Variants in ZNF385D observed in about 807,000 individuals in gnomAD.
ZNF385D encodes the protein zinc finger protein 385D, also known as zinc finger protein 659.
A neutral mutation model predicts 35.8 loss-of-function variants in ZNF385D; 15 were observed. The ratio of observed to expected loss-of-function variants is 0.42; its 90% CI spans 0.28 to 0.64. The LOEUF (loss-of-function observed/expected upper bound fraction) is 0.64. Ranked by LOEUF, ZNF385D falls within the 30% of genes least tolerant of loss-of-function variation. The pLI, the probability that ZNF385D is intolerant of heterozygous loss-of-function variation, is 0.23. For missense variants in ZNF385D, 474 were observed against 494.6 expected (o/e 0.96, Z 0.39); for synonymous variants, 212 against 186.8 (o/e 1.13, Z -1.10).
In ZNF385D at chr3:21,421,366, C is replaced by T. The variant is rs775396986; in HGVS notation, c.1036G>A (p.Ala346Thr). The T allele has an allele frequency of 1.6e-5, 25 of 1,612,808 alleles. No homozygotes were observed. Among genetic ancestry groups the T allele is most frequent in the Non-Finnish European group, 1.8e-5 (21 of 1,179,480 alleles). The part of the protein sequence containing the change: ...LPNPLAAAAA[A>T]AAVAVSSPFS... ...GGGGAACTCACTGCCACTGCTGCTGCGGCTGCTGCAGCTGCTAGAGGATTT... is the reference window on the plus strand; with the variant it reads ...GGGGAACTCACTGCCACTGCTGCTGTGGCTGCTGCAGCTGCTAGAGGATTT... Residue 346 changes from alanine to threonine, a missense_variant, in exon 8 of 8, where the codon GCA becomes ACA. Physicochemically the swap from Ala to Thr is moderately conservative, Grantham distance 58. Transcript: ENST00000281523.
chr3:21,637,035 C>A (rs1227881395), intron 2 of ZNF385D, among the ~76,000 whole-genome samples: 1 of 152,110 alleles, frequency 6.6e-6, no homozygotes, highest in East Asian at 1.9e-4. Flanking sequence ...AAGATTTTCT[C>A]CTACTCTGTG....
At chr3:22,157,851 G>A (rs1228434771) in intron 3 of ZNF385D, among the ~76,000 whole-genome samples, 2 of 152,126 alleles carry the variant, frequency 1.3e-5, no homozygotes, top group African/African-American at 4.8e-5. Context: ...ACAAGTAGTT[G>A]TAAACAGATA....
chr3:21,511,828 T>G (rs1167422741), intron 3 of ZNF385D: 2 of 455,334 alleles, frequency 4.4e-6, no homozygotes, highest in African/African-American at 2.0e-5. Flanking sequence ...AGAGCATTTT[T>G]TTTTTTTGTG....
chr3:21,757,988 TAA>T (rs2070424168), intron 3 of ZNF385D, among the ~76,000 whole-genome samples: 1 of 152,220 alleles, frequency 6.6e-6, no homozygotes, highest in African/African-American at 2.4e-5. Flanking sequence ...ACTGAGAATA[TAA>T]AGTTATATTC....
intron 2 of ZNF385D, among the ~76,000 whole-genome samples, chr3:22,327,362 A>G (rs1277990948): frequency 6.6e-6 from 1 of 152,178 alleles, no homozygotes; most frequent in Non-Finnish European, 1.5e-5. Flanking sequence ...GTAGAAAAAA[A>G]TCACCATGTG....
chr3:22,228,089 CAG>C (rs1416549566), intron 2 of ZNF385D, among the ~76,000 whole-genome samples: 1 of 152,086 alleles, frequency 6.6e-6, no homozygotes, highest in Non-Finnish European at 1.5e-5. Context: ...TGGTGATTGA[CAG>C]AGAGGCAAGA....
At chr3:22,202,781 G>C (rs1054807408) in intron 2 of ZNF385D, among the ~76,000 whole-genome samples, 7 of 152,076 alleles carry the variant, frequency 4.6e-5, no homozygotes, top group Non-Finnish European at 8.8e-5. Flanking sequence ...GACTTTGCAT[G>C]GGCAGGCTGT....
chr3:21,460,631 G>A (rs1703108596), intron 4 of ZNF385D, among the ~76,000 whole-genome samples: 1 of 152,064 alleles, frequency 6.6e-6, no homozygotes, highest in Admixed American at 6.6e-5. Context: ...TTTGTGTATG[G>A]TCTTTTTGTT....
rs552848441 is a variant in ZNF385D, at chr3:21,817,775, T to A, written c.326-152747A>T. 4.6e-5 allele frequency among the ~76,000 whole-genome samples: 7 copies of A among 152,276 alleles called. No homozygotes were observed. The South Asian group carries it at 8.3e-4, about 18-fold the overall frequency. ...GTGGAAGGCAGTGTGGTGATTCCTC[T>A]GGGATCTAGAACTAGAAATACCATT... On this transcript the variant is annotated intron_variant, in intron 3 of 5. Transcript: ENST00000494108.
chr3:21,890,632 AAAGAG>A (rs373885817), intron 3 of ZNF385D, among the ~76,000 whole-genome samples: 277 of 152,142 alleles, frequency 1.8e-3, no homozygotes, highest in African/African-American at 6.1e-3. Flanking sequence ...AAAGAAAATA[AAAGAG>A]AAGAGAAGAG....
intron 3 of ZNF385D, among the ~76,000 whole-genome samples, chr3:22,096,918 T>C (rs1576313492): frequency 6.6e-6 from 1 of 152,084 alleles, no homozygotes; most frequent in African/African-American, 2.4e-5. Flanking sequence ...AATGACCTAA[T>C]GTCACTCTCC....
chr3:21,870,186 C>T (rs1386264205), intron 3 of ZNF385D, among the ~76,000 whole-genome samples: 1 of 152,128 alleles, frequency 6.6e-6, no homozygotes, highest in Non-Finnish European at 1.5e-5. Context: ...TGTCTATGTT[C>T]TTCCTGACCA....
At chr3:21,807,823 T>C (rs973336803) in intron 3 of ZNF385D, among the ~76,000 whole-genome samples, 13 of 152,194 alleles carry the variant, frequency 8.5e-5, no homozygotes, top group Non-Finnish European at 4.4e-5. Context: ...ACTTTTGAGA[T>C]TTGAAAAAGT....
chr3:21,444,485 A>G (rs1702040244), intron 4 of ZNF385D, among the ~76,000 whole-genome samples: 1 of 148,998 alleles, frequency 6.7e-6, no homozygotes, highest in South Asian at 2.1e-4. Flanking sequence ...CCCTGGTTCA[A>G]GCAATTCTCC....
chr3:22,153,076 C>T (rs1705349883), intron 3 of ZNF385D, among the ~76,000 whole-genome samples: 1 of 152,082 alleles, frequency 6.6e-6, no homozygotes, highest in Non-Finnish European at 1.5e-5. Context: ...TAAAACTGAC[C>T]AATGTACTAC....
chr3:22,218,026 C>T (rs2125274677), intron 2 of ZNF385D, among the ~76,000 whole-genome samples: 1 of 152,204 alleles, frequency 6.6e-6, no homozygotes, highest in East Asian at 1.9e-4. Flanking sequence ...GCTGCTCCAA[C>T]AGATACACAG....
Position 21,569,659 on chromosome 3 carries a change from G to A in ZNF385D, c.166-4975C>T, listed in dbSNP as rs569079401. Reference sequence around the variant, plus strand: ...GTTGATGCAGTTTCTTCCTCGTCTCGATGGTCTTTACATTTTGGCATGATT... The same window carrying A: ...GTTGATGCAGTTTCTTCCTCGTCTCAATGGTCTTTACATTTTGGCATGATT... On this transcript the variant is annotated intron_variant, in intron 2 of 7. Coordinates refer to ENST00000281523, the MANE Select transcript of ZNF385D (RefSeq NM_024697.3). Among the ~76,000 whole-genome samples, 640 of 151,474 alleles carry A rather than the reference G, an allele frequency of 4.2e-3. 5 individuals carry two copies. The highest frequency in any genetic ancestry group is 0.014 in the African/African-American group (584 of 41,250).
chr3:21,624,591 G>C (rs1029104850), intron 2 of ZNF385D, among the ~76,000 whole-genome samples: 2 of 151,974 alleles, frequency 1.3e-5, no homozygotes, highest in Admixed American at 1.3e-4. Context: ...CGGGCAGCTG[G>C]GAAACTGCTG....
chr3:21,514,983 C>T (rs903369887), intron 3 of ZNF385D, among the ~76,000 whole-genome samples: 4 of 152,124 alleles, frequency 2.6e-5, no homozygotes, highest in African/African-American at 9.7e-5. Flanking sequence ...TGCACACACG[C>T]GTTCCTGTAG....
Sources: gnomAD v4.1 joint callset for allele counts (sites outside exome capture counted in the v4.1 genomes callset) on GRCh38, gnomAD v4.1.1 for gene constraint, MANE v1.5 for transcripts, NCBI Gene and HGNC (gene_info 2026-07-23, HGNC 2026-07-21) for gene names.